STK24: variants seen among roughly 807,000 people sequenced by gnomAD.
The protein encoded by STK24 is serine/threonine kinase 24.
In STK24, 21 loss-of-function variants were observed where a neutral mutation model predicts 55.6. The observed-to-expected ratio is 0.38, with a 90% CI of 0.27 to 0.54. STK24 has a LOEUF of 0.54. Ranked by LOEUF, STK24 falls within the 20% of genes least tolerant of loss-of-function variation. The pLI, the probability that STK24 is intolerant of heterozygous loss-of-function variation, is 0.79. For missense variants in STK24, 383 were observed against 538.4 expected (o/e 0.71, Z 2.86); for synonymous variants, 200 against 215.2 (o/e 0.93, Z 0.62).
intron 2 of STK24, among the ~76,000 whole-genome samples, chr13:98,494,102 A>G (rs1170268457): frequency 7.1e-6 from 1 of 140,946 alleles, no homozygotes; most frequent in Non-Finnish European, 1.5e-5. Flanking sequence ...TCGGCCTCCC[A>G]AAGTGTAAAA....
chr13:98,576,351 C>T (rs1283457185), intron 1 of STK24: 4 of 422,000 alleles, frequency 9.5e-6, no homozygotes, highest in African/African-American at 6.5e-5. Context: ...TCCGCCAACC[C>T]GGCCACCACG....
chr13:98,515,254 A>T (rs531445012), intron 2 of STK24, among the ~76,000 whole-genome samples: 1 of 152,042 alleles, frequency 6.6e-6, no homozygotes, highest in South Asian at 2.1e-4. Flanking sequence ...AAAACCAAAA[A>T]ATTCTCTCTC....
At chr13:98,508,458 C>T (rs1566375588) in intron 2 of STK24, among the ~76,000 whole-genome samples, 1 of 152,192 alleles carries the variant, frequency 6.6e-6, no homozygotes, top group Non-Finnish European at 1.5e-5. Context: ...AAACCACTAG[C>T]CTTTCAGGGT....
At chr13:98,575,410 C>T (rs918716713) in intron 1 of STK24, among the ~76,000 whole-genome samples, 1 of 149,666 alleles carries the variant, frequency 6.7e-6, no homozygotes, top group African/African-American at 2.5e-5. Flanking sequence ...TATATATACA[C>T]ACACACACAC....
At chr13:98,484,685 T>C (rs1352467326) in intron 2 of STK24, among the ~76,000 whole-genome samples, 2 of 152,182 alleles carry the variant, frequency 1.3e-5, no homozygotes. Flanking sequence ...AAGTTTCACC[T>C]GGCTACCTTC....
intron 3 of STK24, among the ~76,000 whole-genome samples, chr13:98,476,243 C>CA (rs1008159556): frequency 7.1e-6 from 1 of 140,776 alleles, no homozygotes; most frequent in African/African-American, 2.6e-5. Flanking sequence ...ACGGGAAGCC[C>CA]CCCCCCGCCC....
intron 10 of STK24, chr13:98,455,600 G>A (rs562701335): frequency 6.6e-6 from 1 of 152,290 alleles, no homozygotes; most frequent in Non-Finnish European, 1.5e-5. Flanking sequence ...CACTGGTACA[G>A]ATCAACTTGC....
Position 98,576,876 on chromosome 13 carries a change from T to G in STK24, c.-90A>C. 1.9e-5 allele frequency: 15 copies of G among 790,778 alleles called. No homozygotes were observed. Among genetic ancestry groups the G allele is most frequent in the South Asian group, 5.7e-5 (1 of 17,458 alleles). The allele number at this position is 790,778 out of a possible 1,614,324, so 49.0% of individuals were successfully genotyped here. ...GAGGCCCGCGGGCCGCGCGCAGCCC[T>G]CGGGCGGCGGGGCCGGCCGGAGCCC... On this transcript the variant is annotated 5_prime_UTR_variant, in exon 1 of 11. Transcript: ENST00000539966.
At chr13:98,570,644 G>A (rs1253221758) in intron 1 of STK24, among the ~76,000 whole-genome samples, 1 of 152,144 alleles carries the variant, frequency 6.6e-6, no homozygotes, top group African/African-American at 2.4e-5. Context: ...TGCGCATAAA[G>A]TGACTGGTAA....
At chr13:98,480,718 C>T (rs1190732596) in intron 3 of STK24, among the ~76,000 whole-genome samples, 2 of 152,100 alleles carry the variant, frequency 1.3e-5, no homozygotes, top group African/African-American at 4.8e-5. Flanking sequence ...CTATCAATTG[C>T]TATTATTACT....
chr13:98,519,497 G>A lies in STK24; in HGVS notation c.43-24C>T, dbSNP rs1246425840. ...TTCTGTAGAGAGAAGGAAGAGAAAA[G>A]GGAAACTTTAGTCCCTCATAGCACC... On this transcript the variant is annotated intron_variant, in intron 1 of 10. Coordinates refer to ENST00000539966, the MANE Select transcript of STK24 (RefSeq NM_001032296.4). 5 of 1,599,144 alleles carry A rather than the reference G, an allele frequency of 3.1e-6. No homozygotes were observed. The Middle Eastern group carries it at 5.0e-4, about 159-fold the overall frequency.
chr13:98,556,122 TCTC>T (rs1018808901), intron 1 of STK24, among the ~76,000 whole-genome samples: 70 of 152,254 alleles, frequency 4.6e-4, no homozygotes, highest in African/African-American at 1.5e-3. Flanking sequence ...TTTCCTGACT[TCTC>T]CTCCTTCCCC....
intron 1 of STK24, among the ~76,000 whole-genome samples, chr13:98,526,465 T>A (rs1395725249): frequency 6.6e-6 from 1 of 152,148 alleles, no homozygotes; most frequent in Admixed American, 6.5e-5. Context: ...ATGAGCAAAC[T>A]GAGCAGAAGA....
At chr13:98,564,034 T>G (rs1897502974) in intron 1 of STK24, among the ~76,000 whole-genome samples, 1 of 152,104 alleles carries the variant, frequency 6.6e-6, no homozygotes. Context: ...ACAGACGACA[T>G]TATTAAAATA....
intron 2 of STK24, among the ~76,000 whole-genome samples, chr13:98,486,956 TGGGA>T (rs889451742): frequency 6.6e-6 from 1 of 152,128 alleles, no homozygotes; most frequent in African/African-American, 2.4e-5. Context: ...AGATCATGAG[TGGGA>T]AAGCACTTGG....
intron 1 of STK24, chr13:98,542,921 A>C: frequency 2.0e-6 from 2 of 985,458 alleles, no homozygotes; most frequent in Non-Finnish European, 2.4e-6. Context: ...GCCTGACAGG[A>C]ACGGGTGTAT....
chr13:98,572,429 G>T (rs768987163), intron 1 of STK24, among the ~76,000 whole-genome samples: 1 of 152,100 alleles, frequency 6.6e-6, no homozygotes, highest in Non-Finnish European at 1.5e-5. Context: ...AGGAAGGAAC[G>T]GAAAAGAACC....
chr13:98,557,319 A>G (rs1897308452), intron 1 of STK24, among the ~76,000 whole-genome samples: 1 of 152,126 alleles, frequency 6.6e-6, no homozygotes, highest in South Asian at 2.1e-4. Context: ...TCTGCCCACA[A>G]TCCACTCATC....
chr13:98,493,984 A>G (rs1029298999), intron 2 of STK24, among the ~76,000 whole-genome samples: 4 of 151,220 alleles, frequency 2.6e-5, no homozygotes, highest in Admixed American at 6.6e-5. Context: ...CTGGGAATAC[A>G]GGTGCCCGCC....
Sources: allele counts gnomAD v4.1 joint callset (sites outside exome capture counted in the v4.1 genomes callset), GRCh38; gene constraint gnomAD v4.1.1; transcripts MANE v1.5; gene names NCBI Gene and HGNC (gene_info 2026-07-23, HGNC 2026-07-21).